The following EVI5 variants were observed in gnomAD, a reference collection of about 807,000 sequenced individuals.
The protein encoded by EVI5 is ecotropic viral integration site 5.
EVI5 carries 73 observed loss-of-function variants against 112.0 expected under a neutral mutation model. The ratio of observed to expected loss-of-function variants is 0.65; its 90% confidence interval spans 0.54 to 0.79. The LOEUF is 0.79. EVI5 is among the 30% of genes least tolerant of loss of function. The pLI is 0.00. For missense variants in EVI5, 900 were observed against 968.8 expected (o/e 0.93, Z 0.94); for synonymous variants, 305 against 319.9 (o/e 0.95, Z 0.50).
intron 16 of EVI5, among the ~76,000 whole-genome samples, chr1:92,612,452 T>C (rs1652057682): frequency 2.0e-5 from 3 of 152,168 alleles, no homozygotes; most frequent in African/African-American, 7.2e-5. Context: ...CTCATGCCTG[T>C]AATCCCAGTA....
At chr1:92,707,494 T>TA (rs1672206435) in intron 2 of EVI5, among the ~76,000 whole-genome samples, 3 of 152,016 alleles carry the variant, frequency 2.0e-5, no homozygotes, top group African/African-American at 7.2e-5. Context: ...AAAAAATGAG[T>TA]AAGAGACGTA....
chr1:92,618,772 A>G (rs1653817535), intron 16 of EVI5, among the ~76,000 whole-genome samples: 1 of 152,238 alleles, frequency 6.6e-6, no homozygotes, highest in Non-Finnish European at 1.5e-5. Context: ...TGCAGAAACA[A>G]GGACTGTAAT....
chr1:92,719,305 C>T (rs1159650432), intron 2 of EVI5, among the ~76,000 whole-genome samples: 1 of 152,044 alleles, frequency 6.6e-6, no homozygotes, highest in Non-Finnish European at 1.5e-5. Flanking sequence ...CAATAAAATA[C>T]TGGCAAACCG....
chr1:92,565,224 C>T (rs1260088548), intron 18 of EVI5, among the ~76,000 whole-genome samples: 6 of 152,096 alleles, frequency 3.9e-5, no homozygotes, highest in African/African-American at 1.2e-4. Flanking sequence ...AGTCTTTCCA[C>T]GATATTTTAC....
At chr1:92,543,838 G>T (rs758174862) in intron 19 of EVI5, among the ~76,000 whole-genome samples, 1 of 152,152 alleles carries the variant, frequency 6.6e-6, no homozygotes, top group Non-Finnish European at 1.5e-5. Context: ...TGGAAAAACG[G>T]CATTGAAAGA....
rs1431534410 is a variant in EVI5, at chr1:92,693,911, T to C, written c.1000-12A>G. ...ACCTTTTGAAAGTGCTAAGATACAA[T>C]TAAAAAAAAAACATAAGAATGACTT... is the stretch of plus-strand genomic sequence containing the variant. On this transcript the variant is annotated splice_polypyrimidine_tract_variant and intron_variant, in intron 8 of 19. Coordinates refer to ENST00000684568, the MANE Select transcript of EVI5 (RefSeq NM_001350197.2). 20 of 1,463,996 alleles carry C rather than the reference T, an allele frequency of 1.4e-5. No individual in the cohort carries two copies. The highest frequency in any genetic ancestry group is 1.8e-5 in the Non-Finnish European group (19 of 1,060,064). 90.7% of individuals were successfully genotyped at this position (1,463,996 alleles called of 1,614,324 possible). A position where few individuals can be genotyped will look rare whatever the true frequency, so the allele number is the denominator to read the frequency against.
At position 92,756,105 on chromosome 1, in the gene EVI5, T is replaced by C. The variant is rs1396651324; in HGVS notation, c.-81-19478A>G. The C allele has an allele frequency of 3.8e-5, 11 of 288,670 alleles. 1 individual carries two copies. In the South Asian group the frequency reaches 5.5e-4, roughly 14 times the overall value. 17.9% of individuals were successfully genotyped at this position (288,670 alleles called of 1,614,324 possible). A position where few individuals can be genotyped will look rare whatever the true frequency, so the allele number is the denominator to read the frequency against. On this transcript the variant is annotated intron_variant, in intron 1 of 19. Transcript: ENST00000684568. ...CAAGTAAATCTGAAGAAAAAGAAGA[T>C]AGTGTGCCTAAGCTGGAACAGCTCA...
rs538380696 is a variant in EVI5 at position 92,589,782 on chromosome 1, C to T, written c.2070+15525G>A. On this transcript the variant is annotated intron_variant, in intron 18 of 19. Coordinates refer to ENST00000684568, the MANE Select transcript of EVI5 (RefSeq NM_001350197.2). ...GAAGAGAGTAGCGGTTCTCCCAGCA[C>T]GCAGCTTGAGATCTGAGAACCGACA... Among the ~76,000 whole-genome samples the T allele has an allele frequency of 3.7e-3, 558 of 152,288 alleles. 4 individuals are homozygous for T. Among genetic ancestry groups the T allele is most frequent in the Middle Eastern group, 6.8e-3 (2 of 294 alleles).
intron 16 of EVI5, among the ~76,000 whole-genome samples, chr1:92,620,770 A>T (rs1034068261): frequency 6.6e-6 from 1 of 152,206 alleles, no homozygotes; most frequent in African/African-American, 2.4e-5. Flanking sequence ...ATAAGATACC[A>T]GACAGAAACA....
chr1:92,768,391 T>C (rs1277112177), intron 1 of EVI5, among the ~76,000 whole-genome samples: 3 of 152,186 alleles, frequency 2.0e-5, no homozygotes, highest in Non-Finnish European at 4.4e-5. Flanking sequence ...TCTAAAGTGT[T>C]ACATACTCAA....
chr1:92,594,961 TTGG>T (rs1471250624), intron 18 of EVI5, among the ~76,000 whole-genome samples: 1 of 152,206 alleles, frequency 6.6e-6, no homozygotes, highest in Admixed American at 6.5e-5. Context: ...TTGTACACTG[TTGG>T]TGGGACTGTA....
At chr1:92,557,666 C>A (rs1451965529) in intron 19 of EVI5, among the ~76,000 whole-genome samples, 1 of 152,118 alleles carries the variant, frequency 6.6e-6, no homozygotes, top group East Asian at 1.9e-4. Flanking sequence ...TTTCTCCTTT[C>A]AAGTTCTTTC....
intron 19 of EVI5, among the ~76,000 whole-genome samples, chr1:92,547,824 A>G (rs183825944): frequency 1.3e-5 from 2 of 152,356 alleles, no homozygotes; most frequent in East Asian, 1.9e-4. Flanking sequence ...GAATAGACCA[A>G]TAACAGGCTC....
intron 2 of EVI5, among the ~76,000 whole-genome samples, chr1:92,721,851 A>C (rs1674804139): frequency 6.6e-6 from 1 of 152,178 alleles, no homozygotes; most frequent in Admixed American, 6.5e-5. Context: ...TTGCACAGTA[A>C]TTACTGATCA....
intron 19 of EVI5, among the ~76,000 whole-genome samples, chr1:92,515,886 G>A (rs1381269802): frequency 6.6e-6 from 1 of 152,160 alleles, no homozygotes; most frequent in African/African-American, 2.4e-5. Context: ...GAACAATGAT[G>A]TCTGGCCCAA....
intron 1 of EVI5, among the ~76,000 whole-genome samples, chr1:92,781,294 C>T (rs1009659600): frequency 6.6e-6 from 1 of 151,954 alleles, no homozygotes; most frequent in Non-Finnish European, 1.5e-5. Context: ...ATTGCTTGAG[C>T]CCAAGAGTTT....
At chr1:92,652,889 A>G (rs1047611537) in intron 13 of EVI5, among the ~76,000 whole-genome samples, 14 of 152,228 alleles carry the variant, frequency 9.2e-5, no homozygotes, top group Non-Finnish European at 1.8e-4. Context: ...AAGCTGGCAG[A>G]GATCGGCTAG....
At position 92,509,409 on chromosome 1, in the gene EVI5, A is replaced by C. The variant is rs201311687; in HGVS notation, c.*4247T>G. On this transcript the variant is annotated 3_prime_UTR_variant, in exon 20 of 20. Coordinates refer to ENST00000684568, the MANE Select transcript of EVI5 (RefSeq NM_001350197.2). ...CACTGAATACCTAGTATCTAGCCAA[A>C]AAACAAACAAACAAACAAACAAACA... is the stretch of plus-strand genomic sequence containing the variant. The C allele has an allele frequency of 6.5e-6, 1 of 152,828 alleles. No individual in the cohort carries two copies. Among genetic ancestry groups the C allele is most frequent in the Non-Finnish European group, 1.5e-5 (1 of 68,254 alleles). 9.5% of individuals were successfully genotyped at this position (152,828 alleles called of 1,614,324 possible).
At chr1:92,574,824 T>C (rs1000866349) in intron 18 of EVI5, among the ~76,000 whole-genome samples, 2 of 152,186 alleles carry the variant, frequency 1.3e-5, no homozygotes, top group African/African-American at 4.8e-5. Flanking sequence ...GTCCTAAAAA[T>C]GAATTTTTAA....
Sources: gnomAD v4.1 joint callset for allele counts (sites outside exome capture counted in the v4.1 genomes callset) on GRCh38, gnomAD v4.1.1 for gene constraint, MANE v1.5 for transcripts, NCBI Gene and HGNC (gene_info 2026-07-23, HGNC 2026-07-21) for gene names.